PLD5: variants seen among roughly 807,000 people sequenced by gnomAD.
The protein encoded by PLD5 is phospholipase D family member 5, also known as inactive phospholipase D5.
Under a neutral mutation model 61.1 loss-of-function variants are expected in PLD5, and 36 were observed. The observed-to-expected ratio is 0.59, with a 90% CI of 0.45 to 0.78. PLD5 has a LOEUF of 0.78. Among genes scored for constraint, PLD5 ranks in the 30% least tolerant of loss-of-function variants. The pLI, the probability that PLD5 is intolerant of heterozygous loss-of-function variation, is 0.00. For synonymous variants in PLD5, 243 were observed against 242.8 expected, an observed-to-expected ratio of 1.00 and a Z score of -0.01; for missense variants, 515 against 644.4, an observed-to-expected ratio of 0.80 and a Z score of 2.17.
chr1:242,395,085 A>ATATGTATATATATGTATG (rs1663484153), intron 1 of PLD5, among the ~76,000 whole-genome samples: 1 of 143,512 alleles, frequency 7.0e-6, no homozygotes. Context: ...ATATATGTAT[A>ATATGTATATATATGTATG]TATATGAATA....
chr1:242,510,831 C>T (rs545310825), intron 1 of PLD5, among the ~76,000 whole-genome samples: 7 of 150,646 alleles, frequency 4.6e-5, no homozygotes, highest in Non-Finnish European at 1.0e-4. Context: ...GGTGACAGAG[C>T]GAGACTCTGT....
intron 5 of PLD5, among the ~76,000 whole-genome samples, chr1:242,174,688 G>A (rs1260776393): frequency 6.6e-6 from 1 of 152,142 alleles, no homozygotes; most frequent in Non-Finnish European, 1.5e-5. Context: ...AGAAAACATG[G>A]CACATATACA....
At chr1:242,207,906 ATATATATTTATATATTTATATATATT>A (rs1669511113) in intron 5 of PLD5, among the ~76,000 whole-genome samples, 1 of 18,672 alleles carries the variant, frequency 5.4e-5, no homozygotes, top group Non-Finnish European at 7.9e-5. Context: ...TTATATATTT[ATATATATTTATATATTTATATATATT>A]TATATATTTA....
intron 5 of PLD5, among the ~76,000 whole-genome samples, chr1:242,183,895 A>AAAAT (rs1014287686): frequency 1.3e-5 from 2 of 148,720 alleles, no homozygotes; most frequent in Non-Finnish European, 3.0e-5. Flanking sequence ...ACTCCGTCTC[A>AAAAT]AAATAAATAA....
intron 1 of PLD5, among the ~76,000 whole-genome samples, chr1:242,512,210 G>C (rs1336342923): frequency 4.0e-5 from 6 of 150,392 alleles, no homozygotes; most frequent in African/African-American, 1.2e-4. Context: ...AGGAGATCGA[G>C]ACCATCCTGG....
At chr1:242,236,086 GAAGAGGCCCCA>G (rs1350863497) in intron 4 of PLD5, among the ~76,000 whole-genome samples, 2 of 152,116 alleles carry the variant, frequency 1.3e-5, no homozygotes, top group African/African-American at 4.8e-5. Context: ...CACTCTTACA[GAAGAGGCCCCA>G]GAGAGACCCC....
chr1:242,126,116 A>G (rs1213541578), intron 5 of PLD5, among the ~76,000 whole-genome samples: 1 of 152,162 alleles, frequency 6.6e-6, no homozygotes, highest in Non-Finnish European at 1.5e-5. Context: ...GACTGAGGCT[A>G]ACCAAGGAGG....
intron 2 of PLD5, among the ~76,000 whole-genome samples, chr1:242,293,968 AT>A (rs1252562015): frequency 6.6e-6 from 1 of 152,236 alleles, no homozygotes; most frequent in East Asian, 1.9e-4. Context: ...GCCTGATCTA[AT>A]TAGCATAGAA....
At chr1:242,467,590 T>C (rs1228067372) in intron 1 of PLD5, among the ~76,000 whole-genome samples, 2 of 152,148 alleles carry the variant, frequency 1.3e-5, no homozygotes, top group African/African-American at 4.8e-5. Context: ...CACTAGAAAA[T>C]GGAGCTAGCA....
At chr1:242,411,965 T>A (rs12123081) in intron 1 of PLD5, among the ~76,000 whole-genome samples, 9,456 of 151,966 alleles carry the variant, frequency 0.062, 393 homozygotes, top group Middle Eastern at 0.17. Flanking sequence ...GAGAGGGAGC[T>A]GTGAGACCAA....
At position 242,255,202 on chromosome 1, in the gene PLD5, C is replaced by T. The variant is rs1418416366; in HGVS notation, c.607+10135G>A. On this transcript the variant is annotated intron_variant, in intron 4 of 9. Transcript: ENST00000536534. ...GTCCTTCACTTGAAATGTTCAGCCTCCTTAACGATGGCAACCTTTCAGACA... is the reference window on the plus strand; with the variant it reads ...GTCCTTCACTTGAAATGTTCAGCCTTCTTAACGATGGCAACCTTTCAGACA... Among the ~76,000 whole-genome samples the T allele has an allele frequency of 6.6e-5, 10 of 151,886 alleles. No homozygotes were observed. The East Asian group carries it at 1.7e-3, about 26-fold the overall frequency.
chr1:242,395,443 A>C (rs1382635089), intron 1 of PLD5, among the ~76,000 whole-genome samples: 1 of 152,166 alleles, frequency 6.6e-6, no homozygotes, highest in African/African-American at 2.4e-5. Context: ...ATGAATAGCT[A>C]CTTTCTATTT....
chr1:242,348,910 T>A (rs561036791), intron 1 of PLD5, among the ~76,000 whole-genome samples: 4 of 152,104 alleles, frequency 2.6e-5, no homozygotes, highest in African/African-American at 9.6e-5. Context: ...AAAAATTAGC[T>A]GGGCGTGGTG....
At chr1:242,348,879 C>T (rs544685942) in intron 1 of PLD5, among the ~76,000 whole-genome samples, 5 of 152,198 alleles carry the variant, frequency 3.3e-5, no homozygotes, top group East Asian at 1.9e-4. Flanking sequence ...ACGGTGAAAC[C>T]CTGTCTCTAC....
intron 1 of PLD5, among the ~76,000 whole-genome samples, chr1:242,408,287 G>A (rs1408847538): frequency 6.6e-6 from 1 of 152,200 alleles, no homozygotes; most frequent in Non-Finnish European, 1.5e-5. Flanking sequence ...TCCTGGCAGA[G>A]AAAGGTGTTA....
chr1:242,430,795 G>A (rs932811013), intron 1 of PLD5, among the ~76,000 whole-genome samples: 2 of 152,126 alleles, frequency 1.3e-5, no homozygotes, highest in African/African-American at 4.8e-5. Context: ...TCACAGCTTT[G>A]AGTTTAATGG....
At chr1:242,283,038 T>G (rs1211141192) in intron 3 of PLD5, among the ~76,000 whole-genome samples, 2 of 152,128 alleles carry the variant, frequency 1.3e-5, no homozygotes, top group Non-Finnish European at 2.9e-5. Context: ...AAAAACAAAG[T>G]GGGTTTTTCA....
intron 4 of PLD5, among the ~76,000 whole-genome samples, chr1:242,254,751 T>G (rs1272507713): frequency 6.6e-6 from 1 of 152,094 alleles, no homozygotes; most frequent in South Asian, 2.1e-4. Flanking sequence ...AATGACAAGT[T>G]TAGAATTTCA....
At chr1:242,275,928 T>C (rs1674387413) in intron 3 of PLD5, among the ~76,000 whole-genome samples, 2 of 152,356 alleles carry the variant, frequency 1.3e-5, no homozygotes, top group South Asian at 4.1e-4. Context: ...AATCACGTTT[T>C]TGTTCTAAGA....
Sources: allele counts gnomAD v4.1 joint callset (sites outside exome capture counted in the v4.1 genomes callset), GRCh38; gene constraint gnomAD v4.1.1; transcripts MANE v1.5; gene names NCBI Gene and HGNC (gene_info 2026-07-23, HGNC 2026-07-21).